SIMC1: variants seen among roughly 807,000 people sequenced by gnomAD.
The protein encoded by SIMC1 is SUMO-interacting motif-containing protein 1.
SIMC1 carries 55 observed loss-of-function variants against 82.3 expected under a neutral mutation model. The ratio of observed to expected loss-of-function variants is 0.67; its 90% confidence interval spans 0.54 to 0.84. The LOEUF is 0.84. Among genes scored for constraint, SIMC1 ranks in the 40% least tolerant of loss-of-function variants. The pLI is 0.00. For missense variants in SIMC1, 915 were observed against 1,107.2 expected (o/e 0.83, Z 2.46); for synonymous variants, 353 against 426.3 (o/e 0.83, Z 2.12).
At chr5:176,307,590 C>T (rs1024825547) in intron 4 of SIMC1, among the ~76,000 whole-genome samples, 5 of 151,984 alleles carry the variant, frequency 3.3e-5, no homozygotes, top group East Asian at 1.9e-4. Context: ...TTAGTAGAGA[C>T]GGGGTTTCAC....
At chr5:176,329,666 T>C (rs565895386) in intron 7 of SIMC1, among the ~76,000 whole-genome samples, 2 of 152,290 alleles carry the variant, frequency 1.3e-5, no homozygotes, top group Admixed American at 1.3e-4. Context: ...AATGTCATAA[T>C]GGTAAAGACA....
chr5:176,294,905 C>T, intron 2 of SIMC1, 125 bp from the exon 3 acceptor site: 3 of 1,286,866 alleles, frequency 2.3e-6, no homozygotes, highest in Non-Finnish European at 3.1e-6. Flanking sequence ...GCAGAGCTTG[C>T]AGTGAGCTGA....
intron 4 of SIMC1, among the ~76,000 whole-genome samples, chr5:176,311,552 TA>T (rs201289611): frequency 6.4e-4 from 93 of 144,422 alleles, no homozygotes; most frequent in African/African-American, 1.0e-3. Context: ...CCACATTATT[TA>T]AAAAAAAAAA....
chr5:176,336,616 C>G, intron 7 of SIMC1, 104 bp from the exon 8 acceptor site: 1 of 1,467,014 alleles, frequency 6.8e-7, no homozygotes, highest in Non-Finnish European at 9.2e-7. Context: ...TCCTTCTTAA[C>G]TGTCTTTTTT....
intron 7 of SIMC1, among the ~76,000 whole-genome samples, chr5:176,334,479 C>A (rs1380153004): frequency 1.3e-5 from 2 of 152,096 alleles, no homozygotes. Flanking sequence ...CTTGAAACAC[C>A]AGTATCTTTC....
intron 1 of SIMC1, among the ~76,000 whole-genome samples, chr5:176,271,321 C>T (rs1180340888): frequency 6.6e-6 from 1 of 152,134 alleles, no homozygotes; most frequent in African/African-American, 2.4e-5. Flanking sequence ...GATCTCGCCA[C>T]TGCGCTCCAG....
intron 1 of SIMC1, among the ~76,000 whole-genome samples, chr5:176,282,972 GA>G (rs1425621080): frequency 8.5e-5 from 13 of 152,274 alleles, no homozygotes; most frequent in African/African-American, 3.1e-4. Flanking sequence ...GAAGTTTGGA[GA>G]AAAAAGAGTA....
At chr5:176,245,634 A>G (rs62403339) in intron 1 of SIMC1, among the ~76,000 whole-genome samples, 12,143 of 152,054 alleles carry the variant, frequency 0.08, 500 homozygotes, top group Middle Eastern at 0.11. Context: ...CTTAGTTGTC[A>G]TGCTTATGTC....
intron 1 of SIMC1, among the ~76,000 whole-genome samples, chr5:176,241,980 C>T (rs1761290859): frequency 6.6e-6 from 1 of 152,050 alleles, no homozygotes; most frequent in Non-Finnish European, 1.5e-5. Context: ...CATCACTAAG[C>T]ACTTTGTATG....
intron 1 of SIMC1, among the ~76,000 whole-genome samples, chr5:176,257,928 G>A (rs1487424088): frequency 6.6e-6 from 1 of 152,204 alleles, no homozygotes; most frequent in Non-Finnish European, 1.5e-5. Context: ...AATAAAAAAT[G>A]TCTCCAGACA....
rs545168788 is a variant in SIMC1 at position 176,333,493 on chromosome 5, A to G, written c.2172-3227A>G. Among the ~76,000 whole-genome samples, 5 of 151,294 alleles carry G rather than the reference A, an allele frequency of 3.3e-5. No homozygotes were observed. The South Asian group carries it at 1.0e-3, about 32-fold the overall frequency. On this transcript the variant is annotated intron_variant, in intron 7 of 9. Transcript: ENST00000429602. Reference sequence around the variant, plus strand: ...GCCCAGACTGGAGTCCAGTGGTGCAATCTAAGCTCACCGCAACCTCTGCCT... The same window carrying G: ...GCCCAGACTGGAGTCCAGTGGTGCAGTCTAAGCTCACCGCAACCTCTGCCT...
Position 176,335,255 on chromosome 5 carries a change from G to T in SIMC1, c.2172-1465G>T, listed in dbSNP as rs1487505008. On this transcript the variant is annotated intron_variant, in intron 7 of 9. Transcript: ENST00000429602. ...TACTGTGTTGAGGCTGGATCTAGATGTTGGCCTTTCTTTGTATCTTTTTTT... is the reference window on the plus strand; with the variant it reads ...TACTGTGTTGAGGCTGGATCTAGATTTTGGCCTTTCTTTGTATCTTTTTTT... Among the ~76,000 whole-genome samples the T allele has an allele frequency of 2.8e-5, 4 of 141,780 alleles. No homozygotes were observed. The East Asian group carries it at 8.5e-4, about 30-fold the overall frequency. 93.0% of individuals were successfully genotyped at this position (141,780 alleles called of 152,430 possible).
chr5:176,317,495 G>T (rs1764967481), intron 5 of SIMC1, among the ~76,000 whole-genome samples: 1 of 152,022 alleles, frequency 6.6e-6, no homozygotes, highest in African/African-American at 2.4e-5. Context: ...GCTGCTTCTT[G>T]ATTTTTCATT....
At chr5:176,318,873 G>A (rs753699652) in intron 5 of SIMC1, among the ~76,000 whole-genome samples, 4 of 152,186 alleles carry the variant, frequency 2.6e-5, no homozygotes, top group Non-Finnish European at 5.9e-5. Context: ...TTGGGAGGCC[G>A]AGGTGGGTGG....
rs565895323 is a variant in SIMC1 at position 176,337,394 on chromosome 5, C to T, written c.2413+248C>T. On this transcript the variant is annotated intron_variant, in intron 9 of 9. Coordinates refer to ENST00000429602, the MANE Select transcript of SIMC1 (RefSeq NM_001308195.2). ...GTAGGTAAGCAGAAGTCATCAGAAC[C>T]TCCAGCCTGGCCAACATGGTGAAAC... Among the ~76,000 whole-genome samples, 427 of 152,220 alleles carry T rather than the reference C, an allele frequency of 2.8e-3. 2 individuals carry two copies. The highest frequency in any genetic ancestry group is 9.6e-3 in the African/African-American group (397 of 41,544).
intron 4 of SIMC1, among the ~76,000 whole-genome samples, chr5:176,305,902 A>G (rs1375791222): frequency 1.3e-5 from 1 of 74,940 alleles, no homozygotes; most frequent in African/African-American, 5.7e-5. Context: ...CCGGGAGGTG[A>G]GGGGCGCTTC....
intron 7 of SIMC1, among the ~76,000 whole-genome samples, chr5:176,325,551 T>G (rs1410883930): frequency 6.6e-6 from 1 of 151,430 alleles, no homozygotes; most frequent in African/African-American, 2.4e-5. Flanking sequence ...CCGGGTGTGG[T>G]GGTAGGCGCC....
intron 1 of SIMC1, among the ~76,000 whole-genome samples, chr5:176,255,193 G>C (rs996916894): frequency 5.9e-5 from 9 of 151,966 alleles, no homozygotes; most frequent in African/African-American, 2.2e-4. Flanking sequence ...GCAGTGAGCT[G>C]AGATTGTGCC....
Position 176,289,918 on chromosome 5 carries a change from T to A in SIMC1, c.394T>A (p.Leu132Met), listed in dbSNP as rs1193369444. Residue 132 changes from leucine (L) to methionine (M), a missense_variant, in exon 2 of 10, where the codon TTG becomes ATG. Physicochemically the swap from Leu to Met is conservative, Grantham distance 15. Coordinates refer to ENST00000429602, the MANE Select transcript of SIMC1 (RefSeq NM_001308195.2). ...AATCATTAACAGTGATCCTGTAGAT[T>A]TGGACCTAGTGGAAGAAAACACCTT... ...RRIINSDPVD[L>M]DLVEENTFVG... 6.2e-7 allele frequency: 1 copy of A among 1,613,890 alleles called. No individual in the cohort carries two copies. The highest frequency in any genetic ancestry group is 8.5e-7 in the Non-Finnish European group (1 of 1,179,868).
Sources: gnomAD v4.1 joint callset for allele counts (sites outside exome capture counted in the v4.1 genomes callset) on GRCh38, gnomAD v4.1.1 for gene constraint, MANE v1.5 for transcripts, NCBI Gene and HGNC (gene_info 2026-07-23, HGNC 2026-07-21) for gene names.